Variants in TXNRD1 observed in about 807,000 individuals in gnomAD.
TXNRD1 encodes the protein thioredoxin reductase 1, also known as thioredoxin reductase 1, cytoplasmic.
In TXNRD1, 57 loss-of-function variants were observed where a neutral mutation model predicts 80.3. The observed-to-expected ratio is 0.71, with a 90% CI of 0.57 to 0.89. The LOEUF is 0.89. Among genes scored for constraint, TXNRD1 ranks in the 40% least tolerant of loss-of-function variants. The pLI is 0.00. For synonymous variants in TXNRD1, 291 were observed against 285.2 expected, an observed-to-expected ratio of 1.02 and a Z score of -0.20; for missense variants, 730 against 803.0, an observed-to-expected ratio of 0.91 and a Z score of 1.10.
Position 104,325,334 on chromosome 12 carries a change from C to G in TXNRD1, c.1216-3C>G, listed in dbSNP as rs1198989192. On this transcript the variant is annotated splice_polypyrimidine_tract_variant and splice_region_variant and intron_variant, in intron 10 of 16. Coordinates refer to ENST00000525566, the MANE Select transcript of TXNRD1 (RefSeq NM_001093771.3). ...TCACAGTAAAACTTTATCACTCTTA[C>G]AGGTTGAACAAATTGAAGCAGGGAC... 16 of 1,609,118 alleles carry G rather than the reference C, an allele frequency of 9.9e-6. No homozygotes were observed. The highest frequency in any genetic ancestry group is 1.4e-5 in the Non-Finnish European group (16 of 1,176,442).
In TXNRD1 at chr12:104,246,342, G is replaced by A. The variant is rs1469301789; in HGVS notation, c.92-5185G>A. 3.8e-4 allele frequency among the ~76,000 whole-genome samples: 57 copies of A among 149,592 alleles called. 3 individuals are homozygous for A. The highest frequency in any genetic ancestry group is 1.4e-3 in the African/African-American group (55 of 40,534). ...ACTCGGGAGGCTGAGGCAGGAGAAT[G>A]GCATGAACCTGGGAGGCGGAACTTG... On this transcript the variant is annotated intron_variant, in intron 1 of 16. Coordinates refer to ENST00000525566, the MANE Select transcript of TXNRD1 (RefSeq NM_001093771.3).
intron 3 of TXNRD1, among the ~76,000 whole-genome samples, chr12:104,284,908 G>C (rs1472759938): frequency 6.6e-6 from 1 of 152,176 alleles, no homozygotes; most frequent in Non-Finnish European, 1.5e-5. Context: ...AGGCACAGTG[G>C]CTCACACCTG....
In TXNRD1 at chr12:104,348,562, G is replaced by C; in HGVS notation, c.*141G>C. On this transcript the variant is annotated 3_prime_UTR_variant, in exon 17 of 17. Transcript: ENST00000525566. ...CTTACCACCGCCCAAGGCCCCCTTG[G>C]ATCTCTTGGATAGGAGTTGGTGAAT... is the stretch of plus-strand genomic sequence containing the variant. 1.4e-6 allele frequency: 1 copy of C among 695,114 alleles called. No homozygotes were observed. Among genetic ancestry groups the C allele is most frequent in the Non-Finnish European group, 2.4e-6 (1 of 408,368 alleles). 43.1% of individuals were successfully genotyped at this position (695,114 alleles called of 1,614,324 possible).
intron 1 of TXNRD1, among the ~76,000 whole-genome samples, chr12:104,225,444 C>A (rs1251643314): frequency 6.6e-6 from 1 of 152,120 alleles, no homozygotes; most frequent in Non-Finnish European, 1.5e-5. Flanking sequence ...GCTCTGTGTC[C>A]CCACCCAAAT....
chr12:104,278,670 T>C (rs1217982703), intron 3 of TXNRD1, among the ~76,000 whole-genome samples: 1 of 151,062 alleles, frequency 6.6e-6, no homozygotes, highest in Non-Finnish European at 1.5e-5. Context: ...CCTGGCTACT[T>C]TTTTGTATTT....
chr12:104,310,669 C>T (rs2035101861), intron 4 of TXNRD1, among the ~76,000 whole-genome samples: 1 of 152,144 alleles, frequency 6.6e-6, no homozygotes, highest in Admixed American at 6.5e-5. Flanking sequence ...TTATAAAAGT[C>T]TGTTACTTGC....
chr12:104,324,907 G>A (rs2035702964), intron 10 of TXNRD1, among the ~76,000 whole-genome samples: 1 of 152,160 alleles, frequency 6.6e-6, no homozygotes. Context: ...ATCCTTTGTT[G>A]TCAATGAAAG....
chr12:104,234,272 A>G (rs1403235249), intron 1 of TXNRD1, among the ~76,000 whole-genome samples: 1 of 152,200 alleles, frequency 6.6e-6, no homozygotes, highest in Non-Finnish European at 1.5e-5. Flanking sequence ...AGTCACATGA[A>G]CTAAAAAGTA....
At chr12:104,276,740 A>T (rs1000665839) in intron 3 of TXNRD1, 1 of 152,262 alleles carries the variant, frequency 6.6e-6, no homozygotes, top group African/African-American at 2.4e-5. Flanking sequence ...AGTGAAGAGC[A>T]TGCAGGCGTA....
At chr12:104,246,879 TA>T (rs778122419) in intron 1 of TXNRD1, among the ~76,000 whole-genome samples, 5 of 152,180 alleles carry the variant, frequency 3.3e-5, no homozygotes, top group Non-Finnish European at 7.3e-5. Context: ...CTGGTCTATC[TA>T]ATCTCTTTTA....
At chr12:104,281,195 C>T (rs1256104625) in intron 3 of TXNRD1, among the ~76,000 whole-genome samples, 1 of 152,152 alleles carries the variant, frequency 6.6e-6, no homozygotes, top group Non-Finnish European at 1.5e-5. Context: ...TACCCCATTG[C>T]TAAAGCCAGA....
At chr12:104,321,040 T>C in intron 9 of TXNRD1, 51 bp from the exon 10 acceptor site, 2 of 1,265,384 alleles carry the variant, frequency 1.6e-6, no homozygotes, top group Admixed American at 2.0e-5. Context: ...TAATTATTTA[T>C]ATAGGAACTT....
Position 104,348,544 on chromosome 12 carries a change from C to T in TXNRD1, c.*123C>T, listed in dbSNP as rs2036563648. 1 of 825,294 alleles carries T rather than the reference C, an allele frequency of 1.2e-6. No individual in the cohort carries two copies. Among genetic ancestry groups the T allele is most frequent in the Non-Finnish European group, 2.0e-6 (1 of 509,230 alleles). 51.1% of individuals were successfully genotyped at this position (825,294 alleles called of 1,614,324 possible). Reference sequence around the variant, plus strand: ...GCACCTGCGTGTCCTGTGCTTACCACCGCCCAAGGCCCCCTTGGATCTCTT... The same window carrying T: ...GCACCTGCGTGTCCTGTGCTTACCATCGCCCAAGGCCCCCTTGGATCTCTT... On this transcript the variant is annotated 3_prime_UTR_variant, in exon 17 of 17. Coordinates refer to ENST00000525566, the MANE Select transcript of TXNRD1 (RefSeq NM_001093771.3).
intron 4 of TXNRD1, 64 bp from the exon 5 acceptor site, chr12:104,311,226 C>CAAAAAGCTTTAAGA: frequency 6.8e-7 from 1 of 1,478,380 alleles, no homozygotes; most frequent in South Asian, 1.3e-5. Flanking sequence ...GATTTTCTTA[C>CAAAAAGCTTTAAGA]AAAGCTTTTT....
intron 1 of TXNRD1, among the ~76,000 whole-genome samples, chr12:104,242,408 C>T (rs555193789): frequency 6.6e-6 from 1 of 151,756 alleles, no homozygotes; most frequent in East Asian, 2.0e-4. Flanking sequence ...ATTAGCCAGG[C>T]ATGGTGGCGC....
chr12:104,267,241 C>CTCTTTCGTTCTTTCTTTCTT (rs2033515565), intron 3 of TXNRD1, among the ~76,000 whole-genome samples: 1 of 85,750 alleles, frequency 1.2e-5, no homozygotes, highest in Non-Finnish European at 2.1e-5. Flanking sequence ...ATTTTCTTTT[C>CTCTTTCGTTCTTTCTTTCTT]TCTTTCTTTC....
intron 4 of TXNRD1, among the ~76,000 whole-genome samples, chr12:104,293,185 A>G (rs147458128): frequency 3.1e-4 from 47 of 152,290 alleles, no homozygotes; most frequent in Admixed American, 3.0e-3. Context: ...AGAGAGGCCT[A>G]TTGGTGGTAC....
intron 1 of TXNRD1, among the ~76,000 whole-genome samples, chr12:104,247,070 G>T (rs912548458): frequency 6.6e-6 from 1 of 151,980 alleles, no homozygotes; most frequent in Non-Finnish European, 1.5e-5. Context: ...TTGTTTGTTT[G>T]TTTGTTTGTT....
In TXNRD1 at chr12:104,296,855, T is replaced by G. The variant is rs1593775832; in HGVS notation, c.414+7815T>G. Among the ~76,000 whole-genome samples the G allele has an allele frequency of 3.3e-5, 5 of 152,340 alleles. 1 individual carries two copies. The highest frequency in any genetic ancestry group is 3.3e-4 in the Admixed American group (5 of 15,302). On this transcript the variant is annotated intron_variant, in intron 4 of 16. Coordinates refer to ENST00000525566, the MANE Select transcript of TXNRD1 (RefSeq NM_001093771.3). The stretch of plus-strand genomic sequence containing the variant: ...TGTATGACAGCAACATTGTCTGCCT[T>G]CAGCATTCTATGCAGGTGTGTCCAG...
Sources: allele counts gnomAD v4.1 joint callset (sites outside exome capture counted in the v4.1 genomes callset), GRCh38; gene constraint gnomAD v4.1.1; transcripts MANE v1.5; gene names NCBI Gene and HGNC (gene_info 2026-07-23, HGNC 2026-07-21).